Variants in LRRC56 observed in about 807,000 individuals in gnomAD.
The protein encoded by LRRC56 is leucine rich repeat containing 56.
A neutral mutation model predicts 47.8 loss-of-function variants in LRRC56; 41 were observed. The ratio of observed to expected loss-of-function variants is 0.86; its 90% confidence interval spans 0.67 to 1.11. The LOEUF is 1.11. Among genes scored for constraint, LRRC56 ranks in the 50% most tolerant of loss-of-function variants. The pLI, the probability that LRRC56 is intolerant of heterozygous loss-of-function variation, is 0.00. For missense variants in LRRC56, 759 were observed against 704.2 expected (o/e 1.08, Z -0.88); for synonymous variants, 387 against 311.2 (o/e 1.24, Z -2.56).
chr11:507,853 C>T, the LRRC56 span, among the ~76,000 whole-genome samples: 6 of 152,236 alleles, frequency 3.9e-5, no homozygotes, highest in African/African-American at 1.4e-4. Context: ...GACCCCAGCC[C>T]GCAAGGCCTG....
chr11:534,714 T>G, upstream of LRRC56: 1 of 300,680 alleles, frequency 3.3e-6, no homozygotes, highest in Non-Finnish European at 6.5e-6. Flanking sequence ...GAGGTTACCG[T>G]CCTCCAGAAC....
chr11:521,962 C>G, the LRRC56 span, among the ~76,000 whole-genome samples: 1 of 151,618 alleles, frequency 6.6e-6, no homozygotes, highest in Non-Finnish European at 1.5e-5. Flanking sequence ...TCTCATAACC[C>G]AAATGAAGGC....
chr11:551,255 T>C lies in LRRC56; in HGVS notation c.749T>C (p.Leu250Pro). ...CCCCCGCGGCTGAGCCAGGACTGGC[T>C]TGCGGTGAAGGAGGCCATCAAGAAG... ...PAPPRLSQDW[L>P]AVKEAIKKGN... Residue 250 changes from leucine (L) to proline (P), a missense_variant, in exon 9 of 14, where the codon CTT becomes CCT. By Grantham distance (98) the Leu-to-Pro change is moderately conservative. Coordinates refer to ENST00000270115, the MANE Select transcript of LRRC56 (RefSeq NM_198075.4). The C allele has an allele frequency of 6.5e-7, 1 of 1,542,194 alleles. No homozygotes were observed. The highest frequency in any genetic ancestry group is 8.8e-7 in the Non-Finnish European group (1 of 1,141,142).
upstream of LRRC56, chr11:535,143 G>A (rs1490879481): frequency 6.6e-6 from 1 of 151,964 alleles, no homozygotes; most frequent in African/African-American, 2.4e-5. Context: ...GAGGCTCCCG[G>A]GTACGCCGGC....
upstream of LRRC56, chr11:532,894 C>T (rs1273127386): frequency 8.2e-6 from 7 of 851,390 alleles, no homozygotes; most frequent in East Asian, 1.8e-4. Context: ...CCACCACACA[C>T]ACGGGAAGCT....
chr11:511,253 G>A, the LRRC56 span, among the ~76,000 whole-genome samples: 2 of 151,524 alleles, frequency 1.3e-5, no homozygotes, highest in East Asian at 1.9e-4. Flanking sequence ...CCCGGGAGGC[G>A]GAGCTTGCAG....
At chr11:531,280 C>T in the LRRC56 span, among the ~76,000 whole-genome samples, 8 of 152,264 alleles carry the variant, frequency 5.3e-5, no homozygotes, top group East Asian at 1.3e-3. Flanking sequence ...GCTAGCTCTC[C>T]CCCAACCTCA....
chr11:534,052 CTGGGGTGCTGAGACGAGGGACTCCCCT>C (rs1851297586), upstream of LRRC56: 13 of 1,323,170 alleles, frequency 9.8e-6, no homozygotes, highest in African/African-American at 4.3e-5. Context: ...CCCTCCTCTC[CTGGGGTGCTGAGACGAGGGACTCCCCT>C]CCTCTAGAGG....
chr11:536,134 A>G (rs138143685), upstream of LRRC56, among the ~76,000 whole-genome samples: 82 of 152,210 alleles, frequency 5.4e-4, no homozygotes, highest in African/African-American at 1.9e-3. Flanking sequence ...TCCCACCGCA[A>G]CCCACCCCGA....
chr11:532,523 C>T, the LRRC56 span: 5 of 1,428,794 alleles, frequency 3.5e-6, no homozygotes, highest in African/African-American at 4.2e-5. Flanking sequence ...TGAGCTTGTG[C>T]TGGGCGGGGC....
upstream of LRRC56, chr11:537,415 C>A (rs1250618062): frequency 6.6e-6 from 1 of 152,264 alleles, no homozygotes; most frequent in Non-Finnish European, 1.5e-5. Flanking sequence ...GGCTCAGCCG[C>A]ACGGAACCCG....
At chr11:549,373 T>C (rs1812444655) in intron 6 of LRRC56, among the ~76,000 whole-genome samples, 1 of 151,600 alleles carries the variant, frequency 6.6e-6, no homozygotes, top group Admixed American at 6.6e-5. Flanking sequence ...GGGAACAGGG[T>C]GGGCCCGGCA....
chr11:525,564 AT>A, the LRRC56 span, among the ~76,000 whole-genome samples: 1 of 151,674 alleles, frequency 6.6e-6, no homozygotes, highest in Admixed American at 6.6e-5. Flanking sequence ...AAAAAAAAAA[AT>A]CTCAAAAACA....
Position 544,147 on chromosome 11 carries a change from C to T in LRRC56, c.266-573C>T, listed in dbSNP as rs1345426425. Among the ~76,000 whole-genome samples the T allele has an allele frequency of 2.6e-5, 4 of 152,332 alleles. No individual in the cohort carries two copies. In the East Asian group the frequency reaches 5.8e-4, roughly 22 times the overall value. On this transcript the variant is annotated intron_variant, in intron 5 of 13. Coordinates refer to ENST00000270115, the MANE Select transcript of LRRC56 (RefSeq NM_198075.4). ...CCGAACGCAGAGCCTTTTCCTGGGG[C>T]CTTGGGCTGTGCAGAAACACAGGCT...
chr11:551,808 C>T lies in LRRC56; in HGVS notation c.954C>T (p.Asn318=), dbSNP rs774895382. The T allele has an allele frequency of 1.2e-5, 19 of 1,607,376 alleles. 1 individual carries two copies. Among genetic ancestry groups the T allele is most frequent in the Admixed American group, 8.4e-5 (5 of 59,592 alleles). The change falls in exon 10 of 14, where the codon AAC becomes AAT. Residue 318 remains asparagine (N), a synonymous_variant. Coordinates refer to ENST00000270115, the MANE Select transcript of LRRC56 (RefSeq NM_198075.4). ...LLSEDLAPED[N]TSSLTHGAGQ... ...CTGAGGACCTGGCCCCAGAAGATAA[C>T]ACCAGCAGCCTCACCCATGGTAACT...
the LRRC56 span, among the ~76,000 whole-genome samples, chr11:512,329 A>G: frequency 1.3e-5 from 2 of 151,844 alleles, no homozygotes; most frequent in African/African-American, 4.8e-5. Context: ...TCTGCATCCC[A>G]GTTCAAGCAG....
At chr11:543,455 T>C (rs1419820542) in intron 5 of LRRC56, among the ~76,000 whole-genome samples, 2 of 152,034 alleles carry the variant, frequency 1.3e-5, no homozygotes, top group Non-Finnish European at 2.9e-5. Context: ...CCTCAGGTGA[T>C]CCACCCGCCT....
the LRRC56 span, among the ~76,000 whole-genome samples, chr11:526,076 A>G: frequency 1.1e-4 from 17 of 150,106 alleles, no homozygotes; most frequent in East Asian, 1.4e-3. Context: ...GCGTGGTGGC[A>G]GGTGCCTGTA....
upstream of LRRC56, chr11:533,509 C>T (rs759893630): frequency 4.8e-5 from 77 of 1,613,596 alleles, no homozygotes; most frequent in Non-Finnish European, 6.4e-5. Flanking sequence ...CGGGCGAGGT[C>T]CTGAGCCTGC....
Sources: gnomAD v4.1 joint callset for allele counts (sites outside exome capture counted in the v4.1 genomes callset) on GRCh38, gnomAD v4.1.1 for gene constraint, MANE v1.5 for transcripts, NCBI Gene and HGNC (gene_info 2026-07-23, HGNC 2026-07-21) for gene names.